CAMK2B: variants seen among roughly 807,000 people sequenced by gnomAD.
CAMK2B encodes the protein calcium/calmodulin-dependent protein kinase type II subunit beta.
CAMK2B carries 27 observed loss-of-function variants against 93.7 expected under a neutral mutation model. That is an observed-to-expected ratio of 0.29 (90% confidence interval 0.21 to 0.40). CAMK2B has a LOEUF of 0.40. CAMK2B is among the 10% of genes least tolerant of loss of function. CAMK2B has a pLI of 1.00. For synonymous variants in CAMK2B, 374 were observed against 358.8 expected, an observed-to-expected ratio of 1.04 and a Z score of -0.48; for missense variants, 568 against 895.8, an observed-to-expected ratio of 0.63 and a Z score of 4.67.
intron 2 of CAMK2B, among the ~76,000 whole-genome samples, chr7:44,270,579 G>A (rs930433422): frequency 2.6e-5 from 4 of 152,218 alleles, no homozygotes; most frequent in African/African-American, 9.6e-5. Context: ...ATGGGATGTG[G>A]CACGCCACCA....
At chr7:44,232,791 G>T in intron 16 of CAMK2B, 31 bp downstream of exon 16, 1 of 1,610,502 alleles carries the variant, frequency 6.2e-7, no homozygotes, top group South Asian at 1.1e-5. Flanking sequence ...TCCTGCCTGG[G>T]GAAAGCGGGA....
At chr7:44,308,454 A>C (rs1792551350) in intron 1 of CAMK2B, among the ~76,000 whole-genome samples, 1 of 150,376 alleles carries the variant, frequency 6.6e-6, no homozygotes, top group South Asian at 2.1e-4. Flanking sequence ...CCCGGCTCGC[A>C]TCCCATGTCC....
At chr7:44,296,280 A>G (rs1464666942) in intron 1 of CAMK2B, among the ~76,000 whole-genome samples, 1 of 151,708 alleles carries the variant, frequency 6.6e-6, no homozygotes. Context: ...AATGCTAGAA[A>G]TCAAAAATGC....
chr7:44,235,012 G>T (rs532304339), intron 13 of CAMK2B, among the ~76,000 whole-genome samples: 1 of 152,380 alleles, frequency 6.6e-6, no homozygotes. Flanking sequence ...GCAGGATGCT[G>T]CTTCCTCCCT....
intron 16 of CAMK2B, among the ~76,000 whole-genome samples, chr7:44,231,316 G>A (rs955372394): frequency 2.6e-5 from 4 of 152,198 alleles, no homozygotes; most frequent in African/African-American, 9.6e-5. Context: ...CTGGGAGGGC[G>A]CCCCTCACCA....
At chr7:44,317,531 C>G (rs1471784103) in intron 1 of CAMK2B, among the ~76,000 whole-genome samples, 1 of 152,232 alleles carries the variant, frequency 6.6e-6, no homozygotes. Flanking sequence ...GATCCACCCA[C>G]CTTGGCCTCC....
chr7:44,229,380 C>T lies in CAMK2B; in HGVS notation c.1339+8G>A. On this transcript the variant is annotated splice_region_variant and intron_variant, in intron 18 of 23. Transcript: ENST00000395749. ...GACCCCCACAGCAGCAGGACCCAGG[C>T]TACTTACATGGGGCTGGCAGGGGGC... is the stretch of plus-strand genomic sequence containing the variant. The T allele has an allele frequency of 6.6e-7, 1 of 1,516,512 alleles. No individual in the cohort carries two copies. The highest frequency in any genetic ancestry group is 2.5e-5 in the East Asian group (1 of 39,386). The allele number at this position is 1,516,512 out of a possible 1,614,324, so 93.9% of individuals were successfully genotyped here.
chr7:44,282,672 C>T (rs1257460031), intron 2 of CAMK2B, among the ~76,000 whole-genome samples: 1 of 152,266 alleles, frequency 6.6e-6, no homozygotes, highest in African/African-American at 2.4e-5. Flanking sequence ...AGGGGAAACA[C>T]TGATGGCCTA....
intron 6 of CAMK2B, among the ~76,000 whole-genome samples, 190 bp from the exon 7 acceptor site, chr7:44,243,717 T>C (rs1334668080): frequency 1.3e-5 from 2 of 151,970 alleles, no homozygotes; most frequent in East Asian, 3.9e-4. Flanking sequence ...ACGCTGAGCC[T>C]GCAACCCCAC....
intron 6 of CAMK2B, among the ~76,000 whole-genome samples, chr7:44,245,373 T>C (rs2096720199): frequency 6.6e-6 from 1 of 152,166 alleles, no homozygotes; most frequent in South Asian, 2.1e-4. Flanking sequence ...ATCAAGATGG[T>C]GGATTTCTGT....
At chr7:44,232,939 G>T (rs1357534118) in intron 15 of CAMK2B, 73 bp from the exon 16 acceptor site, 23 of 1,359,676 alleles carry the variant, frequency 1.7e-5, no homozygotes, top group Non-Finnish European at 2.4e-5. Context: ...AGACCACCAG[G>T]AGGGGAACAG....
At chr7:44,279,751 C>A (rs1281322301) in intron 2 of CAMK2B, among the ~76,000 whole-genome samples, 1 of 152,216 alleles carries the variant, frequency 6.6e-6, no homozygotes, top group East Asian at 1.9e-4. Context: ...ACCCTAAATC[C>A]TTCTGACTCA....
At chr7:44,285,621 C>A (rs1295876243) in intron 1 of CAMK2B, among the ~76,000 whole-genome samples, 2 of 151,998 alleles carry the variant, frequency 1.3e-5, no homozygotes, top group African/African-American at 4.8e-5. Context: ...GAGTACTGTT[C>A]AATTCCTTGG....
At chr7:44,284,448 C>G (rs1462583078) in intron 1 of CAMK2B, among the ~76,000 whole-genome samples, 5 of 152,260 alleles carry the variant, frequency 3.3e-5, no homozygotes, top group Admixed American at 3.3e-4. Context: ...GCCGGCTTCC[C>G]GACGGCTGGC....
intron 1 of CAMK2B, among the ~76,000 whole-genome samples, chr7:44,313,487 C>G (rs561671515): frequency 2.1e-4 from 32 of 151,720 alleles, no homozygotes; most frequent in African/African-American, 7.0e-4. Flanking sequence ...AGGAAACAAG[C>G]AAAATAGAGT....
At chr7:44,308,752 A>G (rs1475996660) in intron 1 of CAMK2B, among the ~76,000 whole-genome samples, 1 of 152,128 alleles carries the variant, frequency 6.6e-6, no homozygotes, top group East Asian at 1.9e-4. Flanking sequence ...CACTAGCCCC[A>G]AGACTGGCCA....
chr7:44,220,630 A>T lies in CAMK2B; in HGVS notation c.1754T>A (p.Phe585Tyr). 6 of 1,613,536 alleles carry T rather than the reference A, an allele frequency of 3.7e-6. No homozygotes were observed. The highest frequency in any genetic ancestry group is 4.2e-6 in the Non-Finnish European group (5 of 1,179,842). Residue 585 changes from phenylalanine (F) to tyrosine (Y), a missense_variant, in exon 22 of 24, where the codon TTC becomes TAC. Physicochemically the swap from Phe to Tyr is conservative, Grantham distance 22. Around this residue, in one of 4 missense-constraint regions of CAMK2B, gnomAD observed 116 missense variants for 188.0 expected, o/e 0.62. Coordinates refer to ENST00000395749, the MANE Select transcript of CAMK2B (RefSeq NM_001220.5). ...TCCTCACTCACGGTTCTCGAAGTAG[A>T]ATCTGTGGAAGTCCATCCCTTCAAC... ...NLVEGMDFHR[F>Y]YFENLLAKNS...
rs373942433 is a variant in CAMK2B, at chr7:44,228,777, C to A, written c.1468+19G>T. 1.1e-5 allele frequency: 16 copies of A among 1,455,402 alleles called. No individual in the cohort carries two copies. In the African/African-American group the frequency reaches 2.3e-4, roughly 21 times the overall value. The allele number at this position is 1,455,402 out of a possible 1,614,324, so 90.2% of individuals were successfully genotyped here. A position where few individuals can be genotyped will look rare whatever the true frequency, so the allele number is the denominator to read the frequency against. ...GCTGTCCGGCAGCAGAGGCGGCAGGCCTGGGGGCCACTACTTACACGGGGA... is the reference window on the plus strand; with the variant it reads ...GCTGTCCGGCAGCAGAGGCGGCAGGACTGGGGGCCACTACTTACACGGGGA... On this transcript the variant is annotated intron_variant, in intron 19 of 23. Transcript: ENST00000395749.
chr7:44,287,790 C>A (rs1245520628), intron 1 of CAMK2B, among the ~76,000 whole-genome samples: 1 of 152,200 alleles, frequency 6.6e-6, no homozygotes, highest in South Asian at 2.1e-4. Flanking sequence ...AACAGCTCCC[C>A]GCTTTCCCAG....
Sources: allele counts gnomAD v4.1 joint callset (sites outside exome capture counted in the v4.1 genomes callset), GRCh38; gene constraint gnomAD v4.1.1; regional missense constraint gnomAD v4.1.1; transcripts MANE v1.5; gene names NCBI Gene and HGNC (gene_info 2026-07-23, HGNC 2026-07-21).